Variants in ZNF385B observed in about 807,000 individuals in gnomAD.
ZNF385B encodes the protein zinc finger protein 533.
Under a neutral mutation model 39.2 loss-of-function variants are expected in ZNF385B, and 23 were observed. The ratio of observed to expected loss-of-function variants is 0.59; its 90% confidence interval spans 0.42 to 0.83. The LOEUF is 0.83. Among genes scored for constraint, ZNF385B ranks in the 40% least tolerant of loss-of-function variants. The pLI is 0.00. For synonymous variants in ZNF385B, 205 were observed against 222.6 expected (o/e 0.92, Z 0.70); for missense variants, 552 against 598.9 (o/e 0.92, Z 0.82).
At chr2:179,751,317 T>G (rs890731878) in intron 3 of ZNF385B, among the ~76,000 whole-genome samples, 3 of 152,028 alleles carry the variant, frequency 2.0e-5, no homozygotes, top group African/African-American at 7.2e-5. Context: ...AATAATAAGT[T>G]CCATCAGAAT....
At chr2:179,497,066 C>G (rs778808449) in intron 5 of ZNF385B, among the ~76,000 whole-genome samples, 2 of 152,060 alleles carry the variant, frequency 1.3e-5, no homozygotes, top group Non-Finnish European at 2.9e-5. Context: ...AACAAATGAA[C>G]AAACAAACAG....
At chr2:179,523,762 C>G (rs958279305) in intron 4 of ZNF385B, among the ~76,000 whole-genome samples, 7 of 152,088 alleles carry the variant, frequency 4.6e-5, no homozygotes, top group Admixed American at 4.6e-4. Context: ...AACAAAAAGA[C>G]CACTCGAGAA....
At chr2:179,696,322 G>A (rs1450393132) in intron 3 of ZNF385B, among the ~76,000 whole-genome samples, 2 of 22,122 alleles carry the variant, frequency 9.0e-5, no homozygotes, top group Non-Finnish European at 2.2e-4. Context: ...GGTACAAACT[G>A]GGACTTTTTT....
At chr2:179,562,527 C>T in intron 3 of ZNF385B, 2 of 985,364 alleles carry the variant, frequency 2.0e-6, no homozygotes, top group Non-Finnish European at 2.4e-6. Flanking sequence ...TAGGAAACAG[C>T]CGGCAGGCAG....
intron 1 of ZNF385B, among the ~76,000 whole-genome samples, chr2:179,836,924 C>T (rs111767285): frequency 2.0e-5 from 3 of 152,308 alleles, no homozygotes; most frequent in African/African-American, 7.2e-5. Context: ...TGCTGCTTCA[C>T]TTGCCCCCAG....
intron 6 of ZNF385B, among the ~76,000 whole-genome samples, chr2:179,483,066 C>T (rs570133054): frequency 2.6e-5 from 4 of 151,432 alleles, no homozygotes; most frequent in South Asian, 2.1e-4. Context: ...TATACTTAAA[C>T]GTATATATTT....
At position 179,443,227 on chromosome 2, in the gene ZNF385B, A is replaced by C; in HGVS notation, c.*23T>G. On this transcript the variant is annotated 3_prime_UTR_variant, in exon 10 of 10. Transcript: ENST00000410066. ...TCTTTCTCAACTTCCTACTGGCCTCAAACGTCTTGGGGTTTGCAGACGTTA... is the reference window on the plus strand; with the variant it reads ...TCTTTCTCAACTTCCTACTGGCCTCCAACGTCTTGGGGTTTGCAGACGTTA... 6.2e-7 allele frequency: 1 copy of C among 1,611,588 alleles called. No homozygotes were observed. Among genetic ancestry groups the C allele is most frequent in the Non-Finnish European group, 8.5e-7 (1 of 1,179,524 alleles).
intron 5 of ZNF385B, among the ~76,000 whole-genome samples, chr2:179,505,721 A>C (rs1476454089): frequency 6.6e-6 from 1 of 152,130 alleles, no homozygotes; most frequent in East Asian, 1.9e-4. Context: ...GCAGAACTAG[A>C]ATTCCTATTA....
chr2:179,615,910 C>G (rs552284936), intron 3 of ZNF385B, among the ~76,000 whole-genome samples: 4 of 152,266 alleles, frequency 2.6e-5, no homozygotes, highest in South Asian at 4.1e-4. Context: ...ATTTTATAAA[C>G]ATTTTTGAAT....
intron 3 of ZNF385B, chr2:179,584,203 A>G (rs1414452766): frequency 6.1e-6 from 2 of 328,886 alleles, no homozygotes; most frequent in Non-Finnish European, 1.2e-5. Context: ...GGATGTAGGC[A>G]GCATCCCTGG....
In ZNF385B at chr2:179,752,995, T is replaced by C. The variant is rs539228568; in HGVS notation, c.298+16508A>G. On this transcript the variant is annotated intron_variant, in intron 3 of 9. Transcript: ENST00000410066. ...GCCATTGCTTTTGGTGTTTTAGTCATGAAGTCTTTGCCCAAGCCTATGTCC... is the reference window on the plus strand; with the variant it reads ...GCCATTGCTTTTGGTGTTTTAGTCACGAAGTCTTTGCCCAAGCCTATGTCC... 8.5e-5 allele frequency among the ~76,000 whole-genome samples: 13 copies of C among 152,336 alleles called. No homozygotes were observed. In the South Asian group the frequency reaches 2.7e-3, roughly 32 times the overall value.
At chr2:179,479,560 C>T (rs1181221898) in intron 6 of ZNF385B, among the ~76,000 whole-genome samples, 2 of 152,150 alleles carry the variant, frequency 1.3e-5, no homozygotes, top group African/African-American at 2.4e-5. Context: ...AGTTCACCAG[C>T]TGGGCACAGT....
intron 5 of ZNF385B, among the ~76,000 whole-genome samples, chr2:179,507,761 A>G (rs1014248698): frequency 6.6e-6 from 1 of 152,184 alleles, no homozygotes; most frequent in Admixed American, 6.6e-5. Flanking sequence ...AACTCATGTT[A>G]ACCAGCTACA....
chr2:179,471,657 G>A (rs930996206), intron 6 of ZNF385B, among the ~76,000 whole-genome samples: 1 of 152,070 alleles, frequency 6.6e-6, no homozygotes, highest in Non-Finnish European at 1.5e-5. Context: ...TAGACCCACT[G>A]ATAAATCTTA....
intron 1 of ZNF385B, among the ~76,000 whole-genome samples, chr2:179,777,301 A>G (rs1704383353): frequency 6.6e-6 from 1 of 152,184 alleles, no homozygotes; most frequent in African/African-American, 2.4e-5. Context: ...TTGAGACTCT[A>G]TCAGTAGAAG....
chr2:179,549,625 GA>G (rs2060444820), intron 3 of ZNF385B, among the ~76,000 whole-genome samples: 1 of 149,568 alleles, frequency 6.7e-6, no homozygotes, highest in African/African-American at 2.5e-5. Context: ...CTATTTCAAT[GA>G]TCCTTTTTGG....
At chr2:179,776,177 G>T (rs1395253516) in intron 1 of ZNF385B, among the ~76,000 whole-genome samples, 1 of 152,234 alleles carries the variant, frequency 6.6e-6, no homozygotes. Context: ...AAGAACTAAA[G>T]AGAAAGATCA....
chr2:179,488,910 A>C (rs1230732839), intron 5 of ZNF385B, among the ~76,000 whole-genome samples: 1 of 152,222 alleles, frequency 6.6e-6, no homozygotes, highest in Admixed American at 6.5e-5. Flanking sequence ...CATGGGCTAG[A>C]TATTGTAAAC....
intron 5 of ZNF385B, among the ~76,000 whole-genome samples, chr2:179,508,554 A>T (rs554734243): frequency 7.2e-5 from 11 of 152,208 alleles, no homozygotes; most frequent in Non-Finnish European, 1.3e-4. Flanking sequence ...TAACACAGGA[A>T]TTTTACACAG....
Sources: gnomAD v4.1 joint callset for allele counts (sites outside exome capture counted in the v4.1 genomes callset) on GRCh38, gnomAD v4.1.1 for gene constraint, MANE v1.5 for transcripts, NCBI Gene and HGNC (gene_info 2026-07-23, HGNC 2026-07-21) for gene names.